The following RIMS1 variants were observed in gnomAD, a reference collection of about 807,000 sequenced individuals.
RIMS1 encodes regulating synaptic membrane exocytosis protein 1.
A neutral mutation model predicts 214.1 loss-of-function variants in RIMS1; 83 were observed. The observed-to-expected ratio is 0.39, with a 90% CI of 0.32 to 0.47. The LOEUF (loss-of-function observed/expected upper bound fraction) is 0.47, where lower values mean the gene tolerates loss of function less well. Ranked by LOEUF, RIMS1 falls within the 20% of genes least tolerant of loss-of-function variation. The probability of loss-of-function intolerance (pLI) is 0.99; values close to 1 mark genes in which losing one functional copy is unlikely to be tolerated. For synonymous variants in RIMS1, 793 were observed against 786.8 expected (o/e 1.01, Z -0.13); for missense variants, 2,050 against 2,161.8 (o/e 0.95, Z 1.03).
chr6:71,911,541 T>C (rs1427068635), intron 1 of RIMS1, among the ~76,000 whole-genome samples: 1 of 152,174 alleles, frequency 6.6e-6, no homozygotes, highest in Non-Finnish European at 1.5e-5. Context: ...TAGATCCCCA[T>C]ACTCTGGCCC....
In RIMS1 at chr6:72,182,774, G is replaced by A. The variant is rs1012209917; in HGVS notation, c.1303G>A (p.Glu435Lys). ...GGCTTACTCGGCTGAGAGAACTGCG[G>A]AGACCAGGGCGCCGGGCGCCAAGCA... Reference protein sequence around the residue: ...PRAYSAERTAETRAPGAKQLT... With the variant: ...PRAYSAERTAKTRAPGAKQLT... The change falls in exon 6 of 34, where the codon GAG becomes AAG. Residue 435 changes from glutamate to lysine, a missense_variant. Glu to Lys is a moderately conservative substitution (Grantham distance 56). This residue lies in a region of RIMS1 where 882 missense variants were observed against 828.9 expected (regional missense o/e 1.06). Transcript: ENST00000521978. 1 of 1,545,300 alleles carries A rather than the reference G, an allele frequency of 6.5e-7. No homozygotes were observed.
chr6:72,006,016 A>G (rs972066676), intron 2 of RIMS1, among the ~76,000 whole-genome samples: 2 of 152,200 alleles, frequency 1.3e-5, no homozygotes, highest in South Asian at 2.1e-4. Flanking sequence ...GTCCAAGATA[A>G]TGGTGACAGC....
In RIMS1 at chr6:72,237,919, G is replaced by A; in HGVS notation, c.1954G>A (p.Ala652Thr). ...SLADVVGHLR[A>T]GDEVLEWNGK... ...AGCAGATGTAGTTGGACACCTAAGA[G>A]CAGGTAAAGTTTCTTTTTTTAATAT... Residue 652 changes from alanine to threonine, a missense_variant, in exon 9 of 34, where the codon GCA (alanine) becomes ACA (threonine). Transcript: ENST00000521978. The A allele has an allele frequency of 1.9e-6, 3 of 1,601,542 alleles. No individual in the cohort carries two copies. The highest frequency in any genetic ancestry group is 2.6e-6 in the Non-Finnish European group (3 of 1,174,148).
intron 1 of RIMS1, among the ~76,000 whole-genome samples, chr6:71,922,607 T>C (rs1044410071): frequency 6.6e-6 from 1 of 152,186 alleles, no homozygotes; most frequent in African/African-American, 2.4e-5. Flanking sequence ...ATGTCAAAGT[T>C]TCATTCCTTT....
At chr6:72,151,238 T>A (rs1474825111) in intron 4 of RIMS1, among the ~76,000 whole-genome samples, 1 of 152,060 alleles carries the variant, frequency 6.6e-6, no homozygotes, top group Non-Finnish European at 1.5e-5. Context: ...GAGACGGGGT[T>A]TCACCGTGTT....
chr6:72,135,174 T>C (rs13201565), intron 4 of RIMS1, among the ~76,000 whole-genome samples: 1 of 152,130 alleles, frequency 6.6e-6, no homozygotes, highest in Non-Finnish European at 1.5e-5. Flanking sequence ...ACTTTTTAGA[T>C]ACTCCTCAAA....
chr6:72,332,300 T>C (rs1219001110), intron 28 of RIMS1, among the ~76,000 whole-genome samples: 1 of 151,636 alleles, frequency 6.6e-6, no homozygotes, highest in South Asian at 2.1e-4. Flanking sequence ...ATTAAGAGGG[T>C]CATTTTAGGT....
chr6:72,137,174 C>T (rs2041424315), intron 4 of RIMS1, among the ~76,000 whole-genome samples: 1 of 151,970 alleles, frequency 6.6e-6, no homozygotes, highest in African/African-American at 2.4e-5. Context: ...ATTTATTCAT[C>T]ATTCTTGTTG....
intron 6 of RIMS1, among the ~76,000 whole-genome samples, chr6:72,229,395 A>G (rs899481196): frequency 2.6e-5 from 4 of 151,940 alleles, no homozygotes; most frequent in Non-Finnish European, 4.4e-5. Context: ...AGATTTATTT[A>G]TAAAATACAC....
At chr6:72,175,686 A>AG (rs1320786295) in intron 4 of RIMS1, among the ~76,000 whole-genome samples, 1 of 151,850 alleles carries the variant, frequency 6.6e-6, no homozygotes, top group Non-Finnish European at 1.5e-5. Flanking sequence ...CACCAAAAAA[A>AG]AAAAGAAATT....
chr6:72,133,062 C>T (rs1424772974), intron 4 of RIMS1, among the ~76,000 whole-genome samples: 2 of 152,030 alleles, frequency 1.3e-5, no homozygotes, highest in Admixed American at 1.3e-4. Context: ...TCATGCATCA[C>T]TTTGAGAATG....
intron 3 of RIMS1, among the ~76,000 whole-genome samples, chr6:72,098,523 G>A (rs1264291770): frequency 4.6e-5 from 7 of 152,024 alleles, no homozygotes; most frequent in Non-Finnish European, 8.8e-5. Flanking sequence ...TCGAACTCCT[G>A]ACCTCAGGTG....
chr6:72,098,116 A>G (rs1416508621), intron 3 of RIMS1, among the ~76,000 whole-genome samples: 1 of 152,144 alleles, frequency 6.6e-6, no homozygotes, highest in Non-Finnish European at 1.5e-5. Flanking sequence ...ATGTTTAAAA[A>G]TAACACGAAA....
chr6:71,919,427 T>C (rs1348447365), intron 1 of RIMS1, among the ~76,000 whole-genome samples: 1 of 151,230 alleles, frequency 6.6e-6, no homozygotes, highest in Non-Finnish European at 1.5e-5. Context: ...CAATTATGGG[T>C]GGGAAGATTA....
intron 2 of RIMS1, among the ~76,000 whole-genome samples, chr6:72,082,532 A>G (rs1833664499): frequency 6.6e-6 from 1 of 152,200 alleles, no homozygotes; most frequent in Non-Finnish European, 1.5e-5. Context: ...TTTTGAACCC[A>G]GGAAATTTGG....
intron 2 of RIMS1, among the ~76,000 whole-genome samples, chr6:72,070,953 G>A (rs1228267285): frequency 2.6e-5 from 4 of 152,132 alleles, no homozygotes; most frequent in Non-Finnish European, 2.9e-5. Flanking sequence ...GAAGGAAATC[G>A]AAAGAATAAT....
Position 72,291,920 on chromosome 6 carries a change from C to T in RIMS1, c.3738-14C>T, listed in dbSNP as rs954207202. 5.8e-6 allele frequency: 9 copies of T among 1,544,572 alleles called. No homozygotes were observed. The highest frequency in any genetic ancestry group is 2.0e-5 in the Admixed American group (1 of 51,138). ...ATTTCATTGTTTCATGCCCGCTTTG[C>T]TTTTTGCCTGCAGAATGCACCGACA... On this transcript the variant is annotated splice_polypyrimidine_tract_variant and intron_variant, in intron 25 of 33. Transcript: ENST00000521978.
At chr6:71,915,356 T>C (rs990114402) in intron 1 of RIMS1, among the ~76,000 whole-genome samples, 2 of 152,142 alleles carry the variant, frequency 1.3e-5, no homozygotes, top group African/African-American at 4.8e-5. Flanking sequence ...TAGTGACATA[T>C]GAGATAACCT....
chr6:71,909,808 A>C (rs1285341383), intron 1 of RIMS1, among the ~76,000 whole-genome samples: 1 of 152,136 alleles, frequency 6.6e-6, no homozygotes, highest in African/African-American at 2.4e-5. Flanking sequence ...ATCAGAAAAA[A>C]AATTTAAAGT....
Sources: allele counts gnomAD v4.1 joint callset (sites outside exome capture counted in the v4.1 genomes callset), GRCh38; gene constraint gnomAD v4.1.1; regional missense constraint gnomAD v4.1.1; transcripts MANE v1.5; gene names NCBI Gene and HGNC (gene_info 2026-07-23, HGNC 2026-07-21).